The following FAM20B variants were observed in gnomAD, a reference collection of about 807,000 sequenced individuals.
The protein encoded by FAM20B is FAM20B glycosaminoglycan xylosylkinase, also known as glycosaminoglycan xylosylkinase.
In FAM20B, 23 loss-of-function variants were observed where a neutral mutation model predicts 43.8. That is an observed-to-expected ratio of 0.53 (90% CI 0.38 to 0.74). FAM20B has a LOEUF of 0.74. Ranked by LOEUF, FAM20B falls within the 30% of genes least tolerant of loss-of-function variation. The probability of loss-of-function intolerance (pLI) is 0.00; values close to 1 mark genes in which losing one functional copy is unlikely to be tolerated. For synonymous variants in FAM20B, 178 were observed against 192.4 expected (o/e 0.93, Z 0.62); for missense variants, 440 against 510.5 (o/e 0.86, Z 1.33).
intron 1 of FAM20B, among the ~76,000 whole-genome samples, chr1:179,033,562 C>T (rs1650095114): frequency 1.3e-5 from 2 of 152,200 alleles, no homozygotes; most frequent in African/African-American, 2.4e-5. Flanking sequence ...CCTATGTCTT[C>T]TCCCCTGGTA....
intron 3 of FAM20B, among the ~76,000 whole-genome samples, chr1:179,053,197 G>A (rs1187541272): frequency 2.0e-5 from 3 of 152,076 alleles, no homozygotes; most frequent in Non-Finnish European, 4.4e-5. Flanking sequence ...AAGTGCCACC[G>A]TAGCCAGCCT....
chr1:179,028,024 C>G (rs4652346), intron 1 of FAM20B, among the ~76,000 whole-genome samples: 27 of 152,064 alleles, frequency 1.8e-4, no homozygotes, highest in Admixed American at 1.7e-3. Context: ...TGCTTCTTAT[C>G]TCTTCTGAAT....
At chr1:179,029,211 A>G (rs1384382395) in intron 1 of FAM20B, among the ~76,000 whole-genome samples, 1 of 152,258 alleles carries the variant, frequency 6.6e-6, no homozygotes, top group African/African-American at 2.4e-5. Context: ...GAGGGGAGTT[A>G]TCCCTTTTTA....
intron 1 of FAM20B, among the ~76,000 whole-genome samples, chr1:179,034,620 T>C (rs748852173): frequency 2.7e-4 from 41 of 152,334 alleles, no homozygotes; most frequent in Non-Finnish European, 1.3e-4. Context: ...TCTTACCTCC[T>C]ATACTCACCA....
chr1:179,048,623 T>C (rs1650879434), intron 2 of FAM20B, among the ~76,000 whole-genome samples: 1 of 152,222 alleles, frequency 6.6e-6, no homozygotes, highest in Non-Finnish European at 1.5e-5. Flanking sequence ...TGTCAGCTTT[T>C]TGCTGCAGGG....
At chr1:179,060,353 A>G (rs1651412758) in intron 4 of FAM20B, among the ~76,000 whole-genome samples, 1 of 152,138 alleles carries the variant, frequency 6.6e-6, no homozygotes, top group South Asian at 2.1e-4. Flanking sequence ...ATTACCTTGT[A>G]TATATGTCAG....
intron 4 of FAM20B, among the ~76,000 whole-genome samples, chr1:179,062,254 T>C (rs781596253): frequency 1.5e-4 from 23 of 152,212 alleles, no homozygotes; most frequent in Non-Finnish European, 1.9e-4. Flanking sequence ...GGTGTCATTG[T>C]TTCCATGTTC....
intron 6 of FAM20B, among the ~76,000 whole-genome samples, chr1:179,065,000 C>G (rs1651630188): frequency 6.6e-6 from 1 of 152,076 alleles, no homozygotes; most frequent in Non-Finnish European, 1.5e-5. Context: ...TATATAACAA[C>G]AAGTTACTTT....
intron 6 of FAM20B, 112 bp from the exon 7 acceptor site, chr1:179,066,688 G>A (rs1012149933): frequency 2.3e-5 from 17 of 737,090 alleles, no homozygotes; most frequent in African/African-American, 1.6e-4. Context: ...CTGCTGGAGC[G>A]TGAAATTATC....
chr1:179,076,211 C>G lies in FAM20B; in HGVS notation c.*4067C>G, dbSNP rs1276371111. The G allele has an allele frequency of 1.3e-5, 2 of 152,154 alleles. No individual in the cohort carries two copies. Among genetic ancestry groups the G allele is most frequent in the Non-Finnish European group, 2.9e-5 (2 of 68,056 alleles). 9.4% of individuals were successfully genotyped at this position (152,154 alleles called of 1,614,324 possible). A position where few individuals can be genotyped will look rare whatever the true frequency, so the allele number is the denominator to read the frequency against. On this transcript the variant is annotated 3_prime_UTR_variant, in exon 8 of 8. Transcript: ENST00000263733. Reference sequence around the variant, plus strand: ...ATCTGGCCTTGGGAAACTCATCCTACAGGGGAAGGCCAGTTTTTTTCCCTT... The same window carrying G: ...ATCTGGCCTTGGGAAACTCATCCTAGAGGGGAAGGCCAGTTTTTTTCCCTT...
intron 1 of FAM20B, among the ~76,000 whole-genome samples, chr1:179,041,218 A>G (rs1412627641): frequency 7.4e-6 from 1 of 136,030 alleles, no homozygotes; most frequent in East Asian, 2.4e-4. Context: ...ACGATGGGCA[A>G]CCAGGCAGAG....
chr1:179,041,994 T>C (rs1215798288), intron 1 of FAM20B, among the ~76,000 whole-genome samples: 1 of 152,228 alleles, frequency 6.6e-6, no homozygotes, highest in Non-Finnish European at 1.5e-5. Flanking sequence ...TGGCTTGCAT[T>C]CCAATTAAAA....
intron 4 of FAM20B, among the ~76,000 whole-genome samples, chr1:179,060,174 A>G (rs1257716958): frequency 6.6e-6 from 1 of 151,874 alleles, no homozygotes; most frequent in Non-Finnish European, 1.5e-5. Context: ...TACTTTTTTT[A>G]CTTAATAGAT....
chr1:179,025,246 C>T (rs1411504135), upstream of FAM20B, among the ~76,000 whole-genome samples: 2 of 152,144 alleles, frequency 1.3e-5, no homozygotes, highest in Admixed American at 1.3e-4. Context: ...ATGGGGCTTA[C>T]GGTCCTTAGC....
chr1:179,029,177 T>C (rs1649908591), intron 1 of FAM20B, among the ~76,000 whole-genome samples: 1 of 152,272 alleles, frequency 6.6e-6, no homozygotes, highest in Non-Finnish European at 1.5e-5. Flanking sequence ...CTGACTGCCC[T>C]TGTCCCTTAT....
chr1:179,032,169 ATT>A lies in FAM20B; in HGVS notation c.-134+6072_-134+6073del, dbSNP rs1170824642. 2.6e-5 allele frequency among the ~76,000 whole-genome samples: 4 copies of A among 152,244 alleles called. No homozygotes were observed. In the South Asian group the frequency reaches 6.2e-4, roughly 24 times the overall value. On this transcript the variant is annotated intron_variant, in intron 1 of 7. Transcript: ENST00000263733. Reference sequence around the variant, plus strand: ...AACTGAGAAGACAACATTATGGTATATTGATTCCAATGAGGGTTTTCTTTGTC... The same window carrying A: ...AACTGAGAAGACAACATTATGGTATAGATTCCAATGAGGGTTTTCTTTGTC...
chr1:179,064,779 GTTCT>G (rs1243556473), intron 6 of FAM20B, among the ~76,000 whole-genome samples: 1 of 152,104 alleles, frequency 6.6e-6, no homozygotes, highest in Non-Finnish European at 1.5e-5. Context: ...TACCTACATC[GTTCT>G]TTCTTGGCTA....
chr1:179,029,412 A>G (rs1649918315), intron 1 of FAM20B, among the ~76,000 whole-genome samples: 1 of 152,234 alleles, frequency 6.6e-6, no homozygotes, highest in Non-Finnish European at 1.5e-5. Flanking sequence ...CGAGCTGCCT[A>G]GAAGAGAAAA....
At chr1:179,018,455 C>A in the FAM20B span, among the ~76,000 whole-genome samples, 2 of 152,008 alleles carry the variant, frequency 1.3e-5, no homozygotes, top group South Asian at 4.1e-4. Context: ...TATGGGTGCC[C>A]ACCATCACGC....
Sources: allele counts gnomAD v4.1 joint callset (sites outside exome capture counted in the v4.1 genomes callset), GRCh38; gene constraint gnomAD v4.1.1; transcripts MANE v1.5; gene names NCBI Gene and HGNC (gene_info 2026-07-23, HGNC 2026-07-21).